The following SLC22A31 variants were observed in gnomAD, a reference collection of about 807,000 sequenced individuals.
The protein encoded by SLC22A31 is solute carrier family 22 member 31.
A neutral mutation model predicts 27.4 loss-of-function variants in SLC22A31; 42 were observed. That is an observed-to-expected ratio of 1.53 (90% CI 1.20 to 1.98). The LOEUF (loss-of-function observed/expected upper bound fraction) is 1.98. Among genes scored for constraint, SLC22A31 ranks in the 30% most tolerant of loss-of-function variants. SLC22A31 has a pLI of 0.00. For synonymous variants in SLC22A31, 290 were observed against 230.8 expected (o/e 1.26, Z -2.33); for missense variants, 593 against 479.9 (o/e 1.24, Z -2.20).
rs1038138695 is a variant in SLC22A31, at chr16:89,196,070, G to A, written c.1270C>T (p.Arg424Cys). 48 of 1,531,510 alleles carry A rather than the reference G, an allele frequency of 3.1e-5. No individual in the cohort carries two copies. The East Asian group carries it at 3.2e-4, about 10-fold the overall frequency. 94.9% of individuals were successfully genotyped at this position (1,531,510 alleles called of 1,614,324 possible). A position where few individuals can be genotyped will look rare whatever the true frequency, so the allele number is the denominator to read the frequency against. Residue 424 changes from arginine to cysteine, a missense_variant, in exon 9 of 9, where the codon CGC becomes TGC. Coordinates refer to ENST00000682282, the MANE Select transcript of SLC22A31 (RefSeq NM_001384763.1). Reference sequence around the variant, plus strand: ...GGCAGCAGAGGCAGGTGGTCCTGGCGGGGGCGGCCCCGCAGGAGTGGGGAG... The same window carrying A: ...GGCAGCAGAGGCAGGTGGTCCTGGCAGGGGCGGCCCCGCAGGAGTGGGGAG... Reference protein sequence around the residue: ...RRSPLLRGRPRQDHLPLLPPS... With the variant: ...RRSPLLRGRPCQDHLPLLPPS...
In SLC22A31 at chr16:89,196,251, G is replaced by T; in HGVS notation, c.1089C>A (p.Gly363=). The part of the protein sequence containing the change: ...LGAGFLGQAA[G]PLDTLHGRQG... ...GCCGGCCGTGCAGGGTGTCCAGGGGGCCGGCTGCCTGGCCCAGGAACCCGG... is the reference window on the plus strand; with the variant it reads ...GCCGGCCGTGCAGGGTGTCCAGGGGTCCGGCTGCCTGGCCCAGGAACCCGG... Residue 363 remains glycine, a synonymous_variant, in exon 9 of 9, where the codon GGC becomes GGA. Transcript: ENST00000682282. 3 of 1,533,320 alleles carry T rather than the reference G, an allele frequency of 2.0e-6. No homozygotes were observed. Among genetic ancestry groups the T allele is most frequent in the Middle Eastern group, 4.1e-4 (2 of 4,878 alleles). 95.0% of individuals were successfully genotyped at this position (1,533,320 alleles called of 1,614,324 possible). A position where few individuals can be genotyped will look rare whatever the true frequency, so the allele number is the denominator to read the frequency against.
chr16:89,198,953 C>G, intron 4 of SLC22A31, 70 bp downstream of exon 4: 1 of 1,509,232 alleles, frequency 6.6e-7, no homozygotes, highest in Non-Finnish European at 8.9e-7. Flanking sequence ...GCATGGGATA[C>G]GTCGGTGCAG....
chr16:89,196,183 A>G lies in SLC22A31; in HGVS notation c.1157T>C (p.Val386Ala). ...CAGCAGGACACACAGCAGGGCAAGG[A>G]CAGCAAGGGAGGCGAAGACGACTTG... is the stretch of plus-strand genomic sequence containing the variant. ...LQQVVFASLA[V>A]LALLCVLLLP... Residue 386 changes from valine (V) to alanine (A), a missense_variant, in exon 9 of 9, where the codon GTC becomes GCC. Physicochemically the swap from Val to Ala is moderately conservative, Grantham distance 64. Transcript: ENST00000682282. 1 of 1,535,184 alleles carries G rather than the reference A, an allele frequency of 6.5e-7. No individual in the cohort carries two copies. Among genetic ancestry groups the G allele is most frequent in the South Asian group, 1.2e-5 (1 of 84,056 alleles).
At chr16:89,198,625 C>G (rs1035646672) in intron 5 of SLC22A31, 27 bp downstream of exon 5, 1 of 1,530,280 alleles carries the variant, frequency 6.5e-7, no homozygotes, top group South Asian at 1.2e-5. Context: ...GTACCTGAAT[C>G]TCCCTCCTCC....
upstream of SLC22A31, chr16:89,201,488 T>G (rs1916613528): frequency 7.6e-6 from 3 of 395,714 alleles, no homozygotes; most frequent in Admixed American, 1.3e-4. Context: ...CGCGCAGCGC[T>G]GGGGGCAACA....
Position 89,199,026 on chromosome 16 carries a change from C to T in SLC22A31, c.449G>A (p.Trp150Ter), listed in dbSNP as rs774915751. Residue 150 changes from tryptophan to a stop codon, truncating the protein, a stop_gained, in exon 4 of 9, where the codon TGG becomes TAG. Transcript: ENST00000682282. LOFTEE classifies it high-confidence loss of function. Reference sequence around the variant, plus strand: ...GCCCAGCTCCCACCACACTTACCCCCAAAAGAGCAGCAAGAGTCCACTCAT... The same window carrying T: ...GCCCAGCTCCCACCACACTTACCCCTAAAAGAGCAGCAAGAGTCCACTCAT... ...ALMSGLLLLFWGFPALFPESP... is the reference protein window; with the variant it reads ...ALMSGLLLLF 1.4e-5 allele frequency: 21 copies of T among 1,535,320 alleles called. No individual in the cohort carries two copies. The highest frequency in any genetic ancestry group is 3.6e-5 in the South Asian group (3 of 83,982).
At position 89,198,320 on chromosome 16, in the gene SLC22A31, T is replaced by C; in HGVS notation, c.724A>G (p.Ile242Val). Reference protein sequence around the residue: ...LGFSSLVGGGIRASFRRSLAP... With the variant: ...LGFSSLVGGGVRASFRRSLAP... Reference sequence around the variant, plus strand: ...AGGCTGCGGCGGAAGCTAGCTCTGATGCCTCCACCAACCAGCCTGGGAGAG... The same window carrying C: ...AGGCTGCGGCGGAAGCTAGCTCTGACGCCTCCACCAACCAGCCTGGGAGAG... The change falls in exon 7 of 9, where the codon ATC becomes GTC. Residue 242 changes from isoleucine (I) to valine (V), a missense_variant. Transcript: ENST00000682282. 6.5e-7 allele frequency: 1 copy of C among 1,535,890 alleles called. No homozygotes were observed. The highest frequency in any genetic ancestry group is 1.2e-5 in the South Asian group (1 of 84,062).
At position 89,199,416 on chromosome 16, in the gene SLC22A31, C is replaced by T. The variant is rs1428373749; in HGVS notation, c.280G>A (p.Ala94Thr). The T allele has an allele frequency of 8.8e-6, 5 of 568,444 alleles. No individual in the cohort carries two copies. Among genetic ancestry groups the T allele is most frequent in the East Asian group, 2.8e-5 (1 of 35,756 alleles). 35.2% of individuals were successfully genotyped at this position (568,444 alleles called of 1,614,324 possible). Residue 94 changes from alanine (A) to threonine (T), a missense_variant, in exon 3 of 9, where the codon GCT becomes ACT. Ala to Thr is a moderately conservative substitution (Grantham distance 58). Coordinates refer to ENST00000682282, the MANE Select transcript of SLC22A31 (RefSeq NM_001384763.1). ...CAGCAGCCCCCAGGGTACTCACGAG[C>T]CAGATACAGGGCGAGGAGGGCCCCT... is the stretch of plus-strand genomic sequence containing the variant. Reference protein sequence around the residue: ...LAGALLALYLARLELCDPPHR... With the variant: ...LAGALLALYLTRLELCDPPHR...
At chr16:89,200,745 G>A (rs1267182275), upstream of SLC22A31, among the ~76,000 whole-genome samples, 1 of 152,182 alleles carries the variant, frequency 6.6e-6, no homozygotes, top group Non-Finnish European at 1.5e-5. Flanking sequence ...GGGCCTGGAG[G>A]TCCCTGCCGC....
chr16:89,195,955 C>G lies in SLC22A31; in HGVS notation c.*44G>C, dbSNP rs1384573569. Reference sequence around the variant, plus strand: ...TGGGGTACTCAGCCATGCCCCAGGCCTTGACTTTGGTCCCATCCTGGCTCC... The same window carrying G: ...TGGGGTACTCAGCCATGCCCCAGGCGTTGACTTTGGTCCCATCCTGGCTCC... On this transcript the variant is annotated 3_prime_UTR_variant, in exon 9 of 9. Coordinates refer to ENST00000682282, the MANE Select transcript of SLC22A31 (RefSeq NM_001384763.1). 2.6e-5 allele frequency: 38 copies of G among 1,453,740 alleles called. 1 individual carries two copies. Among genetic ancestry groups the G allele is most frequent in the Middle Eastern group, 2.5e-4 (1 of 3,998 alleles). 90.1% of individuals were successfully genotyped at this position (1,453,740 alleles called of 1,614,324 possible).
intron 7 of SLC22A31, 105 bp from the exon 8 acceptor site, chr16:89,197,514 T>C (rs1312045511): frequency 5.4e-6 from 4 of 743,284 alleles, no homozygotes; most frequent in Non-Finnish European, 8.6e-6. Context: ...GGGACCCACT[T>C]TCCAAGCCTC....
At chr16:89,201,296 G>A, upstream of SLC22A31, 1 of 353,202 alleles carries the variant, frequency 2.8e-6, no homozygotes, top group Non-Finnish European at 5.1e-6. Flanking sequence ...GCCGGCGCCG[G>A]GCAGCGCGTA....
At chr16:89,197,163 A>C (rs1008718333) in intron 8 of SLC22A31, 135 bp downstream of exon 8, 3 of 647,452 alleles carry the variant, frequency 4.6e-6, no homozygotes, top group Non-Finnish European at 7.9e-6. Context: ...CTTTACCCCG[A>C]GTCCTTACTG....
intron 7 of SLC22A31, 95 bp downstream of exon 7, chr16:89,198,027 G>A (rs1916134805): frequency 3.6e-6 from 5 of 1,385,396 alleles, no homozygotes; most frequent in Non-Finnish European, 3.9e-6. Flanking sequence ...TGCCACCCCA[G>A]GCTGCTCCCC....
chr16:89,199,313 C>G, intron 3 of SLC22A31, 100 bp downstream of exon 3: 1 of 1,015,778 alleles, frequency 9.8e-7, no homozygotes. Context: ...ACTCACTGCT[C>G]ACTGTCCCTG....
intron 7 of SLC22A31, 25 bp downstream of exon 7, chr16:89,198,097 A>G: frequency 6.5e-7 from 1 of 1,532,712 alleles, no homozygotes; most frequent in Non-Finnish European, 8.7e-7. Context: ...TGGCTCCTGT[A>G]TGGCCTGCGG....
chr16:89,201,251 C>T, upstream of SLC22A31: 1 of 364,492 alleles, frequency 2.7e-6, no homozygotes, highest in Non-Finnish European at 4.9e-6. Context: ...GCAGCAGGGA[C>T]GGGGGCGCAC....
chr16:89,196,177 G>A lies in SLC22A31; in HGVS notation c.1163C>T (p.Ala388Val). The change falls in exon 9 of 9, where the codon GCC (alanine) becomes GTC (valine). Residue 388 changes from alanine (A) to valine (V), a missense_variant. Physicochemically the swap from Ala to Val is moderately conservative, Grantham distance 64. Transcript: ENST00000682282. ...AGGCAGCAGCAGGACACACAGCAGGGCAAGGACAGCAAGGGAGGCGAAGAC... is the reference window on the plus strand; with the variant it reads ...AGGCAGCAGCAGGACACACAGCAGGACAAGGACAGCAAGGGAGGCGAAGAC... ...QVVFASLAVL[A>V]LLCVLLLPES... 2.0e-6 allele frequency: 3 copies of A among 1,535,188 alleles called. No homozygotes were observed. Among genetic ancestry groups the A allele is most frequent in the East Asian group, 4.9e-5 (2 of 40,904 alleles).
rs558475982 is a variant in SLC22A31, at chr16:89,199,371, C to T, written c.283+42G>A. ...GAGCCTCAGAGGCCTGCGGGCCACC[C>T]ACTGCCCCTCCCCCAGTGACAGCAG... On this transcript the variant is annotated intron_variant, in intron 3 of 8. Transcript: ENST00000682282. 380 of 620,070 alleles carry T rather than the reference C, an allele frequency of 6.1e-4. 2 individuals are homozygous for T. Among genetic ancestry groups the T allele is most frequent in the Non-Finnish European group, 9.3e-4 (334 of 359,958 alleles). The allele number at this position is 620,070 out of a possible 1,614,324, so 38.4% of individuals were successfully genotyped here. A position where few individuals can be genotyped will look rare whatever the true frequency, so the allele number is the denominator to read the frequency against.
Sources: allele counts gnomAD v4.1 joint callset (sites outside exome capture counted in the v4.1 genomes callset), GRCh38; gene constraint gnomAD v4.1.1; transcripts MANE v1.5; gene names NCBI Gene and HGNC (gene_info 2026-07-23, HGNC 2026-07-21).